PRCD: variants seen among roughly 807,000 people sequenced by gnomAD.
PRCD encodes the protein photoreceptor disk component PRCD.
In PRCD, 12 loss-of-function variants were observed where a neutral mutation model predicts 10.1. The observed-to-expected ratio is 1.18, with a 90% confidence interval of 0.76 to 1.92. The LOEUF is 1.92. PRCD is among the 40% of genes most tolerant of loss of function. The pLI, the probability that PRCD is intolerant of heterozygous loss-of-function variation, is 0.00. For synonymous variants in PRCD, 31 were observed against 26.2 expected, an observed-to-expected ratio of 1.18 and a Z score of -0.56; for missense variants, 61 against 72.2, an observed-to-expected ratio of 0.84 and a Z score of 0.56.
chr17:76,531,157 A>T lies in PRCD; in HGVS notation n.45+3324A>T. The T allele has an allele frequency of 6.2e-7, 1 of 1,607,664 alleles. No individual in the cohort carries two copies. The highest frequency in any genetic ancestry group is 8.5e-7 in the Non-Finnish European group (1 of 1,175,652). On this transcript the variant is annotated intron_variant and non_coding_transcript_variant, in intron 1 of 4. Transcript: ENST00000397633. The surrounding 1 kb of genome is among the most constrained non-coding windows in gnomAD (Gnocchi z 7.4). ...CCAGAGAGGATCTGGGGGCAAAGGG[A>T]GGAAGGGGGAGTGAACGCCCGGGCG...
intron 1 of PRCD, chr17:76,552,815 G>A (rs2075119418): frequency 7.0e-6 from 1 of 141,918 alleles, no homozygotes; most frequent in Admixed American, 7.3e-5. Flanking sequence ...AGTGAGCTGA[G>A]ATCATGCCAC....
chr17:76,528,101 A>G lies in PRCD; in HGVS notation n.45+268A>G. 2.5e-6 allele frequency: 1 copy of G among 401,606 alleles called. No homozygotes were observed. 24.9% of individuals were successfully genotyped at this position (401,606 alleles called of 1,614,324 possible). On this transcript the variant is annotated intron_variant and non_coding_transcript_variant, in intron 1 of 4. Coordinates refer to the PRCD transcript ENST00000397633. The surrounding 1 kb of genome is among the most constrained non-coding windows in gnomAD (Gnocchi z 5.8). ...AGGCTTCTGGGCGCCGCGGATACAC[A>G]TTCTAGATATGTATGTGTGTATATA...
At chr17:76,542,384 A>C (rs4647881) in intron 2 of PRCD, among the ~76,000 whole-genome samples, 169 bp from the exon 3 acceptor site, 24,547 of 152,170 alleles carry the variant, frequency 0.16, 2,474 homozygotes, top group East Asian at 0.35. Flanking sequence ...TGGGGGTGAC[A>C]TTTCTACTCT....
downstream of PRCD, among the ~76,000 whole-genome samples, chr17:76,548,136 TAC>T (rs575713338): frequency 1.5e-4 from 22 of 151,116 alleles, no homozygotes; most frequent in South Asian, 2.5e-3. Context: ...TACACATGCA[TAC>T]ACAGACATAC....
chr17:76,538,520 C>T (rs2074950095), upstream of PRCD: 2 of 466,146 alleles, frequency 4.3e-6, no homozygotes, highest in South Asian at 1.6e-5. Flanking sequence ...AAGAACCAGC[C>T]GCTGCCCTGA....
rs2075043443 is a variant in PRCD, at chr17:76,545,289, A to G, written c.*1639A>G. The G allele has an allele frequency of 2.2e-6, 1 of 456,612 alleles. No homozygotes were observed. The highest frequency in any genetic ancestry group is 2.0e-5 in the African/African-American group (1 of 50,060). 28.3% of individuals were successfully genotyped at this position (456,612 alleles called of 1,614,324 possible). ...GACCCGGGTGCCCCTTCCTTGGCCC[A>G]CTGGCTCCCATCACAGGGCTTAGTG... is the stretch of plus-strand genomic sequence containing the variant. On this transcript the variant is annotated 3_prime_UTR_variant, in exon 5 of 5. Transcript: ENST00000592014.
chr17:76,537,384 G>A (rs1329237304), upstream of PRCD: 1 of 1,580,812 alleles, frequency 6.3e-7, no homozygotes, highest in Non-Finnish European at 8.6e-7. Context: ...GCCCGGCCGG[G>A]CCGGGCGACA....
chr17:76,534,193 T>TCTCTCTCTCTCTCTCTCTCTCTCTCTC, intron 1 of PRCD, among the ~76,000 whole-genome samples: 1 of 150,498 alleles, frequency 6.6e-6, no homozygotes, highest in Non-Finnish European at 1.5e-5. Flanking sequence ...TCTTTCTTTC[T>TCTCTCTCTCTCTCTCTCTCTCTCTCTC]TGAGACAGAA....
intron 2 of PRCD, among the ~76,000 whole-genome samples, 195 bp from the exon 3 acceptor site, chr17:76,542,358 C>T (rs1205056693): frequency 6.6e-6 from 1 of 152,182 alleles, no homozygotes; most frequent in Non-Finnish European, 1.5e-5. Flanking sequence ...TGGTGGCTGC[C>T]GTGGAAGGCT....
chr17:76,529,001 T>G, intron 1 of PRCD: 1 of 998,566 alleles, frequency 1.0e-6, no homozygotes, highest in Non-Finnish European at 1.2e-6. Flanking sequence ...CCCATCTGTA[T>G]TCTCGTATTC....
At chr17:76,539,531 C>T (rs1023080179), upstream of PRCD, among the ~76,000 whole-genome samples, 1 of 152,222 alleles carries the variant, frequency 6.6e-6, no homozygotes, top group Non-Finnish European at 1.5e-5. Flanking sequence ...TCTCCCGTCT[C>T]TCTGGCTTCA....
chr17:76,543,327 G>A, intron 4 of PRCD: 1 of 343,566 alleles, frequency 2.9e-6, no homozygotes, highest in South Asian at 2.3e-5. Context: ...GGACTTGCTG[G>A]GTCCACCAGG....
chr17:76,540,426 A>G lies in PRCD; in HGVS notation c.75-79A>G, dbSNP rs763273515. Reference sequence around the variant, plus strand: ...TTGCAGCCTCTACTCCCATAGCCCAATGCGGCCTGGACCTGTGGAGGGACA... The same window carrying G: ...TTGCAGCCTCTACTCCCATAGCCCAGTGCGGCCTGGACCTGTGGAGGGACA... On this transcript the variant is annotated intron_variant, in intron 1 of 4. Transcript: ENST00000592014. This position sits in a 1 kb window ranked among gnomAD's most constrained non-coding sequence, Gnocchi z 5.0. 9.2e-5 allele frequency: 138 copies of G among 1,500,880 alleles called. 1 individual carries two copies. Among genetic ancestry groups the G allele is most frequent in the South Asian group, 1.1e-4 (10 of 88,684 alleles). The allele number at this position is 1,500,880 out of a possible 1,614,324, so 93.0% of individuals were successfully genotyped here.
chr17:76,531,303 C>T lies in PRCD; in HGVS notation n.45+3470C>T, dbSNP rs2074838219. On this transcript the variant is annotated intron_variant and non_coding_transcript_variant, in intron 1 of 4. Coordinates refer to the PRCD transcript ENST00000397633. The surrounding 1 kb of genome is among the most constrained non-coding windows in gnomAD (Gnocchi z 7.4). Reference sequence around the variant, plus strand: ...TCTCAGGACAAGGGTTGCCCTGGACCCAGCCCCTCCATCCTGCTGCCGGGC... The same window carrying T: ...TCTCAGGACAAGGGTTGCCCTGGACTCAGCCCCTCCATCCTGCTGCCGGGC... 6.6e-6 allele frequency among the ~76,000 whole-genome samples: 1 copy of T among 152,254 alleles called. No homozygotes were observed. Among genetic ancestry groups the T allele is most frequent in the Non-Finnish European group, 1.5e-5 (1 of 68,040 alleles).
chr17:76,528,881 TA>T lies in PRCD; in HGVS notation n.45+1054del. The T allele has an allele frequency of 8.2e-7, 1 of 1,215,836 alleles. No individual in the cohort carries two copies. Among genetic ancestry groups the T allele is most frequent in the Non-Finnish European group, 1.0e-6 (1 of 977,990 alleles). 75.3% of individuals were successfully genotyped at this position (1,215,836 alleles called of 1,614,324 possible). ...TGTCTGTCTTGTGACATAAACTGGG[TA>T]AAAAAGTGTTTCACAAACTGCAAAG... On this transcript the variant is annotated intron_variant and non_coding_transcript_variant, in intron 1 of 4. Coordinates refer to the PRCD transcript ENST00000397633. The surrounding 1 kb of genome is among the most constrained non-coding windows in gnomAD (Gnocchi z 5.8).
rs755211458 is a variant in PRCD, at chr17:76,544,560, G to A, written c.*910G>A. 6.6e-6 allele frequency: 3 copies of A among 456,558 alleles called. No individual in the cohort carries two copies. The highest frequency in any genetic ancestry group is 2.0e-5 in the African/African-American group (1 of 50,076). The allele number at this position is 456,558 out of a possible 1,614,324, so 28.3% of individuals were successfully genotyped here. A position where few individuals can be genotyped will look rare whatever the true frequency, so the allele number is the denominator to read the frequency against. ...GGGGGAAAGTCACACTAGGGAAGGAGCCTGCAGAGGCAAAGCCAGAGCGCC... is the reference window on the plus strand; with the variant it reads ...GGGGGAAAGTCACACTAGGGAAGGAACCTGCAGAGGCAAAGCCAGAGCGCC... On this transcript the variant is annotated 3_prime_UTR_variant, in exon 5 of 5. Transcript: ENST00000592014.
rs1045406816 is a variant in PRCD at position 76,540,845 on chromosome 17, T to A, written c.143+272T>A. Among the ~76,000 whole-genome samples the A allele has an allele frequency of 2.6e-5, 4 of 152,158 alleles. No homozygotes were observed. The highest frequency in any genetic ancestry group is 5.9e-5 in the Non-Finnish European group (4 of 68,020). On this transcript the variant is annotated intron_variant, in intron 2 of 4. Coordinates refer to ENST00000592014, the MANE Select transcript of PRCD (RefSeq NM_001077620.3). The surrounding 1 kb of genome is among the most constrained non-coding windows in gnomAD (Gnocchi z 5.0). ...GGGCGGTCCCCCGGGGCACCTTCTG[T>A]CAGAAGGCACAGGGGAGTGGAAGGA...
chr17:76,534,705 G>T (rs1410042008), intron 1 of PRCD, among the ~76,000 whole-genome samples: 6 of 152,124 alleles, frequency 3.9e-5, no homozygotes, highest in Non-Finnish European at 2.9e-5. Context: ...AGGCAGGCCC[G>T]CTTTGACAGT....
downstream of PRCD, chr17:76,546,583 G>C (rs1286561688): frequency 6.6e-6 from 1 of 152,096 alleles, no homozygotes; most frequent in Non-Finnish European, 1.5e-5. This position sits in a 1 kb window ranked among gnomAD's most constrained non-coding sequence, Gnocchi z 4.5. Flanking sequence ...AAACCCTGCT[G>C]GTTCCTCAGG....
Sources: allele counts gnomAD v4.1 joint callset (sites outside exome capture counted in the v4.1 genomes callset), GRCh38; gene constraint gnomAD v4.1.1; non-coding constraint Gnocchi (gnomAD v3.1); transcripts MANE v1.5; gene names NCBI Gene and HGNC (gene_info 2026-07-23, HGNC 2026-07-21).